Variants in USP22 observed in about 807,000 individuals in gnomAD.
USP22 encodes ubiquitin carboxyl-terminal hydrolase 22.
In USP22, 22 loss-of-function variants were observed where a neutral mutation model predicts 68.1. That is an observed-to-expected ratio of 0.32 (90% confidence interval 0.23 to 0.46). The LOEUF is 0.46. Ranked by LOEUF, USP22 falls within the 20% of genes least tolerant of loss-of-function variation. The probability of loss-of-function intolerance (pLI) is 1.00; values close to 1 mark genes in which losing one functional copy is unlikely to be tolerated. For missense variants in USP22, 433 were observed against 695.8 expected (o/e 0.62, Z 4.25); for synonymous variants, 279 against 274.2 (o/e 1.02, Z -0.17).
At chr17:21,014,376 TG>T (rs1156916657) in intron 6 of USP22, among the ~76,000 whole-genome samples, 1 of 152,226 alleles carries the variant, frequency 6.6e-6, no homozygotes, top group African/African-American at 2.4e-5. Flanking sequence ...ACTAGGTGCT[TG>T]GGGTAACAGC....
chr17:21,005,184 G>C, intron 10 of USP22, 194 bp from the exon 11 acceptor site: 1 of 663,816 alleles, frequency 1.5e-6, no homozygotes, highest in Non-Finnish European at 2.5e-6. Flanking sequence ...CCCTGCCTCA[G>C]AGCACACCTG....
In USP22 at chr17:21,002,964, A is replaced by G. The variant is rs752517739; in HGVS notation, c.*67T>C. 3 of 1,584,724 alleles carry G rather than the reference A, an allele frequency of 1.9e-6. No homozygotes were observed. The highest frequency in any genetic ancestry group is 1.7e-6 in the Non-Finnish European group (2 of 1,158,536). On this transcript the variant is annotated 3_prime_UTR_variant, in exon 13 of 13. Transcript: ENST00000261497. ...GGGAGACTTGGGGGAGGGGGGGGCC[A>G]GGGAGGATCACTTTGTGAGGCTTGC...
At chr17:21,042,535 GAGAGGA>G (rs1191148208) in intron 1 of USP22, 124 bp downstream of exon 1, 101 of 883,846 alleles carry the variant, frequency 1.1e-4, no homozygotes, top group Non-Finnish European at 1.4e-4. Flanking sequence ...GGCAGAAGGA[GAGAGGA>G]AGAGGAAGGA....
chr17:21,026,230 G>A (rs1972217906), intron 2 of USP22, among the ~76,000 whole-genome samples: 1 of 152,204 alleles, frequency 6.6e-6, no homozygotes, highest in South Asian at 2.1e-4. Context: ...TGCACAGCAT[G>A]ATATTGAGGT....
chr17:21,043,128 C>CCCCA (rs1972467933), upstream of USP22: 1 of 64,146 alleles, frequency 1.6e-5, no homozygotes, highest in African/African-American at 6.0e-5. Context: ...ACGTCACCCC[C>CCCCA]CCCCCCCCTC....
At chr17:21,028,929 G>A (rs532515754) in intron 1 of USP22, among the ~76,000 whole-genome samples, 1 of 146,498 alleles carries the variant, frequency 6.8e-6, no homozygotes, top group South Asian at 2.2e-4. Flanking sequence ...TGTAAGCTAC[G>A]GGGATGTTCC....
intron 8 of USP22, among the ~76,000 whole-genome samples, chr17:21,010,657 C>CT (rs1372118422): frequency 1.5e-5 from 2 of 134,788 alleles, no homozygotes; most frequent in Non-Finnish European, 3.1e-5. Flanking sequence ...GAGCACAACT[C>CT]TGTCTCAAAA....
intron 4 of USP22, among the ~76,000 whole-genome samples, chr17:21,018,641 G>A (rs911531843): frequency 6.6e-6 from 1 of 151,860 alleles, no homozygotes; most frequent in Non-Finnish European, 1.5e-5. Context: ...GGGCCCAGGA[G>A]ACAGAGGGTG....
rs1972121404 is a variant in USP22, at chr17:21,018,949, T to C, written c.520+135A>G. The C allele has an allele frequency of 3.3e-5, 29 of 881,468 alleles. No homozygotes were observed. In the South Asian group the frequency reaches 4.4e-4, roughly 13 times the overall value. The allele number at this position is 881,468 out of a possible 1,614,324, so 54.6% of individuals were successfully genotyped here. Reference sequence around the variant, plus strand: ...AGAGAACAGGTGCTCAAGAGCTGGTTGCTGAGCACATTGATGAGTGACAGT... The same window carrying C: ...AGAGAACAGGTGCTCAAGAGCTGGTCGCTGAGCACATTGATGAGTGACAGT... On this transcript the variant is annotated intron_variant, in intron 4 of 12. Coordinates refer to ENST00000261497, the MANE Select transcript of USP22 (RefSeq NM_015276.2).
Position 21,042,920 on chromosome 17 carries a change from C to T in USP22, c.-85G>A, listed in dbSNP as rs908397685. 13 of 914,430 alleles carry T rather than the reference C, an allele frequency of 1.4e-5. No homozygotes were observed. The highest frequency in any genetic ancestry group is 3.8e-4 in the Middle Eastern group (1 of 2,600). The allele number at this position is 914,430 out of a possible 1,614,324, so 56.6% of individuals were successfully genotyped here. A position where few individuals can be genotyped will look rare whatever the true frequency, so the allele number is the denominator to read the frequency against. On this transcript the variant is annotated 5_prime_UTR_variant, in exon 1 of 13. Transcript: ENST00000261497. ...GCGCGGCGTGGGGGCTGCTCGGCGGCTGGCCAGGCTGGCCAAGGCCCGGGC... is the reference window on the plus strand; with the variant it reads ...GCGCGGCGTGGGGGCTGCTCGGCGGTTGGCCAGGCTGGCCAAGGCCCGGGC...
chr17:21,019,198 A>C lies in USP22; in HGVS notation c.419-13T>G. ...TTCTCTCCAACGCCTAAGCAGATGA[A>C]GGACAGTTCCAAGCGCTATTAGCTA... On this transcript the variant is annotated splice_polypyrimidine_tract_variant and intron_variant, in intron 3 of 12. Coordinates refer to ENST00000261497, the MANE Select transcript of USP22 (RefSeq NM_015276.2). 5 of 1,613,062 alleles carry C rather than the reference A, an allele frequency of 3.1e-6. No homozygotes were observed. Among genetic ancestry groups the C allele is most frequent in the Non-Finnish European group, 4.2e-6 (5 of 1,179,102 alleles).
chr17:21,040,378 G>A (rs1295077764), intron 1 of USP22, among the ~76,000 whole-genome samples: 1 of 152,134 alleles, frequency 6.6e-6, no homozygotes, highest in Non-Finnish European at 1.5e-5. Flanking sequence ...AGGTAAATAA[G>A]TCCCCCCAGT....
chr17:21,034,155 CTCA>C (rs1972326646), intron 1 of USP22, among the ~76,000 whole-genome samples: 3 of 152,108 alleles, frequency 2.0e-5, no homozygotes, highest in Admixed American at 2.0e-4. Flanking sequence ...CCTCAAAAAC[CTCA>C]GCTTCCAGAC....
intron 3 of USP22, among the ~76,000 whole-genome samples, chr17:21,020,581 G>A (rs1972144809): frequency 1.3e-5 from 2 of 152,214 alleles, no homozygotes; most frequent in African/African-American, 4.8e-5. Flanking sequence ...AAACAGTCCA[G>A]AGTTTTAAAA....
chr17:21,033,281 C>T (rs1293400986), intron 1 of USP22, among the ~76,000 whole-genome samples: 1 of 152,200 alleles, frequency 6.6e-6, no homozygotes, highest in Non-Finnish European at 1.5e-5. Flanking sequence ...ATTCAGTAGA[C>T]TGCAAGCAAA....
chr17:21,025,950 G>A (rs941421200), intron 2 of USP22, among the ~76,000 whole-genome samples: 2 of 152,298 alleles, frequency 1.3e-5, no homozygotes, highest in Admixed American at 6.5e-5. Context: ...AAATGTCACC[G>A]ACTTGTAGAC....
intron 1 of USP22, 42 bp from the exon 2 acceptor site, chr17:21,028,716 G>C (rs1385536257): frequency 1.2e-6 from 2 of 1,602,454 alleles, no homozygotes; most frequent in South Asian, 2.2e-5. Flanking sequence ...TGTGTGATAA[G>C]ACAGGGGTGC....
At chr17:21,006,136 T>C (rs1597687506) in intron 10 of USP22, among the ~76,000 whole-genome samples, 1 of 152,326 alleles carries the variant, frequency 6.6e-6, no homozygotes. Context: ...GGAAATTAAT[T>C]TTAAGCCGCC....
rs568516517 is a variant in USP22, at chr17:21,026,443, CTGAG to C, written c.304+2095_304+2098del. 4.0e-3 allele frequency among the ~76,000 whole-genome samples: 605 copies of C among 152,168 alleles called. 3 individuals carry two copies. The highest frequency in any genetic ancestry group is 0.014 in the African/African-American group (587 of 41,510). ...TAGGCTCAAGAGATCCTCCCACCTC[CTGAG>C]TGAGTAGCTGGGACCACAGGCACAC... On this transcript the variant is annotated intron_variant, in intron 2 of 12. Coordinates refer to ENST00000261497, the MANE Select transcript of USP22 (RefSeq NM_015276.2).
Sources: allele counts gnomAD v4.1 joint callset (sites outside exome capture counted in the v4.1 genomes callset), GRCh38; gene constraint gnomAD v4.1.1; transcripts MANE v1.5; gene names NCBI Gene and HGNC (gene_info 2026-07-23, HGNC 2026-07-21).